Variants in JAKMIP3 observed in about 807,000 individuals in gnomAD.
JAKMIP3 encodes the protein Janus kinase and microtubule interacting protein 3, also known as janus kinase and microtubule-interacting protein 3.
Under a neutral mutation model 118.5 loss-of-function variants are expected in JAKMIP3, and 58 were observed. The ratio of observed to expected loss-of-function variants is 0.49; its 90% CI spans 0.40 to 0.61. The LOEUF is 0.61. Among genes scored for constraint, JAKMIP3 ranks in the 20% least tolerant of loss-of-function variants. The probability of loss-of-function intolerance (pLI) is 0.00; values close to 1 mark genes in which losing one functional copy is unlikely to be tolerated. For missense variants in JAKMIP3, 950 were observed against 1,109.0 expected (o/e 0.86, Z 2.04); for synonymous variants, 486 against 451.2 (o/e 1.08, Z -0.98).
intron 14 of JAKMIP3, among the ~76,000 whole-genome samples, chr10:132,148,700 C>T (rs2055189364): frequency 6.6e-6 from 1 of 152,238 alleles, no homozygotes; most frequent in African/African-American, 2.4e-5. Flanking sequence ...CCATGACCTG[C>T]ACAGGAGGAG....
chr10:132,124,469 A>G (rs1247837222), intron 3 of JAKMIP3, among the ~76,000 whole-genome samples: 7 of 145,324 alleles, frequency 4.8e-5, no homozygotes, highest in African/African-American at 7.8e-5. Context: ...GGGCCGCGCC[A>G]TACACGTCCA....
intron 23 of JAKMIP3, among the ~76,000 whole-genome samples, chr10:132,174,857 A>G (rs755390105): frequency 6.6e-6 from 1 of 152,128 alleles, no homozygotes; most frequent in Non-Finnish European, 1.5e-5. Context: ...GCTACTGACT[A>G]ATGATGTTGA....
intron 1 of JAKMIP3, among the ~76,000 whole-genome samples, chr10:132,099,146 T>C (rs2044429207): frequency 6.6e-6 from 1 of 152,050 alleles, no homozygotes; most frequent in African/African-American, 2.4e-5. Context: ...GTGGTGGTAT[T>C]GAAGCCCAAA....
Position 132,168,725 on chromosome 10 carries a change from T to G in JAKMIP3, c.*795T>G. The stretch of plus-strand genomic sequence containing the variant: ...TGAGCCAAGGAAGGCGTGGGGAGCG[T>G]GGTGACAGGAGGTGGGACGAGGGGG... On this transcript the variant is annotated 3_prime_UTR_variant, in exon 23 of 24. Transcript: ENST00000684848. The G allele has an allele frequency of 3.7e-6, 1 of 271,298 alleles. No homozygotes were observed. 16.8% of individuals were successfully genotyped at this position (271,298 alleles called of 1,614,324 possible).
intron 1 of JAKMIP3, among the ~76,000 whole-genome samples, chr10:132,076,615 T>A (rs1326257830): frequency 6.6e-6 from 1 of 151,580 alleles, no homozygotes; most frequent in East Asian, 1.9e-4. Context: ...GGGACTGGCC[T>A]GCGGTGACCC....
At chr10:132,071,525 A>G (rs2039844279) in intron 1 of JAKMIP3, among the ~76,000 whole-genome samples, 2 of 152,164 alleles carry the variant, frequency 1.3e-5, no homozygotes, top group African/African-American at 4.8e-5. Flanking sequence ...TTTTCTCTGC[A>G]CTGCTTTCAT....
chr10:132,146,754 T>G (rs2054698845), intron 13 of JAKMIP3, among the ~76,000 whole-genome samples: 1 of 152,288 alleles, frequency 6.6e-6, no homozygotes, highest in East Asian at 1.9e-4. Context: ...GGTCCTGCTT[T>G]AGGCTTGGTT....
intron 9 of JAKMIP3, 93 bp downstream of exon 9, chr10:132,138,271 G>A: frequency 8.5e-7 from 1 of 1,181,904 alleles, no homozygotes; most frequent in Non-Finnish European, 1.2e-6. Flanking sequence ...GGTGTGTGCG[G>A]AGAGGGGTGC....
At chr10:132,139,240 C>CTGTGTGTG (rs1284873787) in intron 9 of JAKMIP3, among the ~76,000 whole-genome samples, 21 of 84,900 alleles carry the variant, frequency 2.5e-4, no homozygotes, top group Admixed American at 1.6e-3. Context: ...GTATATGCAT[C>CTGTGTGTG]TGTGTGTGTA....
Position 132,109,073 on chromosome 10 carries a change from T to C in JAKMIP3, c.135+4130T>C, listed in dbSNP as rs200574672. 6.7e-4 allele frequency among the ~76,000 whole-genome samples: 95 copies of C among 140,978 alleles called. 4 individuals are homozygous for C. Among genetic ancestry groups the C allele is most frequent in the African/African-American group, 1.7e-3 (65 of 37,582 alleles). The allele number at this position is 140,978 out of a possible 152,430, so 92.5% of individuals were successfully genotyped here. A position where few individuals can be genotyped will look rare whatever the true frequency, so the allele number is the denominator to read the frequency against. ...ACACATACATGCACATATACACACA[T>C]ACACATATATATACACACACATATA... On this transcript the variant is annotated intron_variant, in intron 2 of 23. Transcript: ENST00000684848.
intron 1 of JAKMIP3, among the ~76,000 whole-genome samples, chr10:132,069,883 G>A (rs2039545267): frequency 6.6e-6 from 1 of 152,250 alleles, no homozygotes; most frequent in Non-Finnish European, 1.5e-5. Flanking sequence ...CACCCTGTGT[G>A]TGGGCACTGA....
chr10:132,172,789 G>C (rs2059629141), intron 23 of JAKMIP3, among the ~76,000 whole-genome samples: 1 of 151,750 alleles, frequency 6.6e-6, no homozygotes, highest in Admixed American at 6.6e-5. Context: ...TTCTGTGTTG[G>C]AGAGCAGTGT....
At chr10:132,105,075 G>A (rs2045697329) in intron 2 of JAKMIP3, 132 bp downstream of exon 2, 1 of 1,063,004 alleles carries the variant, frequency 9.4e-7, no homozygotes, top group Non-Finnish European at 1.3e-6. Context: ...GGCTGCTTGG[G>A]ACAGACCACT....
In JAKMIP3 at chr10:132,168,481, A is replaced by G; in HGVS notation, c.*551A>G. 1 of 1,045,252 alleles carries G rather than the reference A, an allele frequency of 9.6e-7. No individual in the cohort carries two copies. The highest frequency in any genetic ancestry group is 1.3e-6 in the Non-Finnish European group (1 of 788,544). The allele number at this position is 1,045,252 out of a possible 1,614,324, so 64.7% of individuals were successfully genotyped here. ...TCCTGGGAGGGCTCCCCGACGCCTC[A>G]GGGGCCCCTCCGATGCTGCAATATG... On this transcript the variant is annotated 3_prime_UTR_variant, in exon 23 of 24. Coordinates refer to ENST00000684848, the MANE Select transcript of JAKMIP3 (RefSeq NM_001323087.2).
Position 132,124,811 on chromosome 10 carries a change from G to C in JAKMIP3, c.633+7237G>C, listed in dbSNP as rs541200264. On this transcript the variant is annotated intron_variant, in intron 3 of 23. Transcript: ENST00000684848. ...AGGTCGGGCAGCTGCTTCACCTCAA[G>C]ACAGAAGAGCCATTCGGCTGGTGGG... Among the ~76,000 whole-genome samples, 18 of 152,362 alleles carry C rather than the reference G, an allele frequency of 1.2e-4. No individual in the cohort carries two copies. The East Asian group carries it at 2.9e-3, about 24-fold the overall frequency.
Position 132,071,889 on chromosome 10 carries a change from T to TTTCCTTTCTTTCTTTCC in JAKMIP3, c.-138+5842_-138+5843insTCCTTCCTTTCTTTCTT, listed in dbSNP as rs1454694079. Among the ~76,000 whole-genome samples the TTTCCTTTCTTTCTTTCC allele has an allele frequency of 1.2e-3, 76 of 62,936 alleles. 1 individual carries two copies. Among genetic ancestry groups the TTTCCTTTCTTTCTTTCC allele is most frequent in the African/African-American group, 7.3e-3 (72 of 9,890 alleles). The allele number at this position is 62,936 out of a possible 152,430, so 41.3% of individuals were successfully genotyped here. Reference sequence around the variant, plus strand: ...TTTCTTTCTTTCCTTCCTTTCTTTCTTTCCTTTCTTTCTTCCCTTCCTTCC... The same window carrying TTTCCTTTCTTTCTTTCC: ...TTTCTTTCTTTCCTTCCTTTCTTTCTTTCCTTTCTTTCTTTCCTTCCTTTCTTTCTTCCCTTCCTTCC... On this transcript the variant is annotated intron_variant, in intron 1 of 23. Coordinates refer to ENST00000684848, the MANE Select transcript of JAKMIP3 (RefSeq NM_001323087.2).
Position 132,146,938 on chromosome 10 carries a change from G to A in JAKMIP3, c.1750-1014G>A, listed in dbSNP as rs139523337. Among the ~76,000 whole-genome samples the A allele has an allele frequency of 2.0e-3, 308 of 152,240 alleles. 3 individuals are homozygous for A. The highest frequency in any genetic ancestry group is 2.5e-3 in the Non-Finnish European group (169 of 68,020). On this transcript the variant is annotated intron_variant, in intron 13 of 23. Transcript: ENST00000684848. ...GGCACCCACTTGAACACGCACACAC[G>A]TAAATGCCTGCGTGCACACTTGAAC...
intron 8 of JAKMIP3, among the ~76,000 whole-genome samples, 176 bp downstream of exon 8, chr10:132,137,465 C>A (rs1266672511): frequency 6.6e-6 from 1 of 152,204 alleles, no homozygotes; most frequent in Non-Finnish European, 1.5e-5. Context: ...GTGGCTGACG[C>A]CCTTCAGTGT....
intron 3 of JAKMIP3, among the ~76,000 whole-genome samples, chr10:132,128,112 G>A (rs2049963102): frequency 6.6e-6 from 1 of 152,180 alleles, no homozygotes; most frequent in South Asian, 2.1e-4. Flanking sequence ...ATTAACAAAG[G>A]ACGCTCTCTA....
Sources: allele counts gnomAD v4.1 joint callset (sites outside exome capture counted in the v4.1 genomes callset), GRCh38; gene constraint gnomAD v4.1.1; transcripts MANE v1.5; gene names NCBI Gene and HGNC (gene_info 2026-07-23, HGNC 2026-07-21).